Variants in TMEM132C observed in about 807,000 individuals in gnomAD.
The protein encoded by TMEM132C is transmembrane protein 132C, also known as protein phosphatase 1, regulatory subunit 152.
TMEM132C carries 29 observed loss-of-function variants against 61.4 expected under a neutral mutation model. The ratio of observed to expected loss-of-function variants is 0.47; its 90% CI spans 0.35 to 0.64. The LOEUF (loss-of-function observed/expected upper bound fraction) is 0.64. TMEM132C is among the 30% of genes least tolerant of loss of function. The pLI, the probability that TMEM132C is intolerant of heterozygous loss-of-function variation, is 0.00. For synonymous variants in TMEM132C, 656 were observed against 633.1 expected (o/e 1.04, Z -0.54); for missense variants, 1,408 against 1,476.9 (o/e 0.95, Z 0.76).
chr12:128,705,393 G>C lies in TMEM132C; in HGVS notation c.2425G>C (p.Gly809Arg). ...ACAGAACGATGCTGACTCCAGCCCC[G>C]GCGGGGACTATGAGGAAGATGAGAT... ...FGQNDADSSP[G>R]GDYEEDEIKN... Residue 809 changes from glycine (G) to arginine (R), a missense_variant, in exon 9 of 9, where the codon GGC becomes CGC. By Grantham distance (125) the Gly-to-Arg change is moderately radical. Transcript: ENST00000435159. 3.2e-6 allele frequency: 5 copies of C among 1,551,164 alleles called. No homozygotes were observed. The highest frequency in any genetic ancestry group is 4.4e-6 in the Non-Finnish European group (5 of 1,146,994).
intron 2 of TMEM132C, among the ~76,000 whole-genome samples, chr12:128,490,932 A>G (rs1030160105): frequency 1.6e-4 from 25 of 152,172 alleles, no homozygotes; most frequent in Admixed American, 1.4e-3. Context: ...GCCTTATCTC[A>G]TTTAATTCAT....
intron 2 of TMEM132C, among the ~76,000 whole-genome samples, chr12:128,424,943 T>C (rs569521580): frequency 6.6e-6 from 1 of 152,342 alleles, no homozygotes; most frequent in South Asian, 2.1e-4. Context: ...GTATCACATT[T>C]AGAAACCCCC....
intron 1 of TMEM132C, among the ~76,000 whole-genome samples, chr12:128,409,174 C>T (rs754129755): frequency 6.6e-6 from 1 of 152,164 alleles, no homozygotes; most frequent in Non-Finnish European, 1.5e-5. Context: ...GCCGTGCCCT[C>T]ATGTAGCATA....
chr12:128,351,115 A>T (rs1873324656), intron 1 of TMEM132C, among the ~76,000 whole-genome samples: 1 of 152,116 alleles, frequency 6.6e-6, no homozygotes, highest in Non-Finnish European at 1.5e-5. Context: ...TCGTCCTGTA[A>T]CTCACCACTG....
chr12:128,310,935 G>A (rs951434338), intron 1 of TMEM132C, among the ~76,000 whole-genome samples: 1 of 152,142 alleles, frequency 6.6e-6, no homozygotes, highest in East Asian at 1.9e-4. Context: ...GAGATCTCAA[G>A]TACACTGATT....
At chr12:128,619,971 C>G (rs1195190940) in intron 4 of TMEM132C, among the ~76,000 whole-genome samples, 3 of 152,178 alleles carry the variant, frequency 2.0e-5, no homozygotes, top group African/African-American at 7.2e-5. Flanking sequence ...TGGCTCACAC[C>G]TATAATCCCA....
intron 5 of TMEM132C, among the ~76,000 whole-genome samples, chr12:128,688,590 T>C (rs1162788141): frequency 6.6e-6 from 1 of 152,086 alleles, no homozygotes; most frequent in Admixed American, 6.6e-5. Flanking sequence ...AACAATGAGT[T>C]ATAGAGGAAA....
chr12:128,366,866 A>G (rs1300566067), intron 1 of TMEM132C, among the ~76,000 whole-genome samples: 2 of 152,210 alleles, frequency 1.3e-5, no homozygotes, highest in African/African-American at 2.4e-5. Flanking sequence ...AGGGTCCTAC[A>G]TGACATTCCT....
At chr12:128,557,739 C>T (rs1489754011) in intron 3 of TMEM132C, among the ~76,000 whole-genome samples, 1 of 152,244 alleles carries the variant, frequency 6.6e-6, no homozygotes, top group Non-Finnish European at 1.5e-5. Context: ...TTCACAGACT[C>T]TTGTTATTGA....
intron 3 of TMEM132C, among the ~76,000 whole-genome samples, chr12:128,544,988 G>C (rs12368555): frequency 0.038 from 5,822 of 152,202 alleles, 141 homozygotes; most frequent in Middle Eastern, 0.11. Flanking sequence ...TTTTATTTTA[G>C]ATTCAGGGGG....
At chr12:128,397,315 C>G (rs558857387) in intron 1 of TMEM132C, among the ~76,000 whole-genome samples, 2 of 152,144 alleles carry the variant, frequency 1.3e-5, no homozygotes, top group African/African-American at 4.8e-5. Context: ...AGGGCTTCGC[C>G]GTGTGTCTTC....
intron 1 of TMEM132C, among the ~76,000 whole-genome samples, chr12:128,394,725 C>T (rs1874882501): frequency 2.0e-5 from 3 of 152,142 alleles, no homozygotes; most frequent in Admixed American, 2.0e-4. Flanking sequence ...AGAAATTCTA[C>T]CTTTAAAGTG....
chr12:128,608,176 A>G (rs1029592157), intron 3 of TMEM132C, among the ~76,000 whole-genome samples: 1 of 152,194 alleles, frequency 6.6e-6, no homozygotes, highest in Non-Finnish European at 1.5e-5. Context: ...CAATGCTAAG[A>G]GCTTCCACTT....
chr12:128,468,570 C>T (rs544223597), intron 2 of TMEM132C, among the ~76,000 whole-genome samples: 16 of 152,216 alleles, frequency 1.1e-4, no homozygotes, highest in African/African-American at 3.9e-4. Flanking sequence ...CCGCCCGCCT[C>T]GGCCTCCCAA....
chr12:128,661,796 A>G (rs1048675155), intron 4 of TMEM132C, among the ~76,000 whole-genome samples: 1 of 152,246 alleles, frequency 6.6e-6, no homozygotes, highest in Non-Finnish European at 1.5e-5. Context: ...GATCATAAAA[A>G]CATAATGTTG....
chr12:128,591,967 G>A (rs531647581), intron 3 of TMEM132C, among the ~76,000 whole-genome samples: 4 of 149,560 alleles, frequency 2.7e-5, no homozygotes, highest in East Asian at 2.0e-4. Context: ...CAGGAGAATC[G>A]CTTGAACCCG....
At chr12:128,674,761 T>C (rs577078375) in intron 5 of TMEM132C, among the ~76,000 whole-genome samples, 1 of 152,210 alleles carries the variant, frequency 6.6e-6, no homozygotes, top group African/African-American at 2.4e-5. Context: ...TGTGAGGTTT[T>C]TGGTGCAACC....
Position 128,705,630 on chromosome 12 carries a change from A to G in TMEM132C, c.2662A>G (p.Ile888Val). The G allele has an allele frequency of 6.4e-7, 1 of 1,550,980 alleles. No individual in the cohort carries two copies. Among genetic ancestry groups the G allele is most frequent in the Non-Finnish European group, 8.7e-7 (1 of 1,146,982 alleles). Reference protein sequence around the residue: ...RLAGEGQLQNIPIDFTNFPAH... With the variant: ...RLAGEGQLQNVPIDFTNFPAH... Reference sequence around the variant, plus strand: ...GGCAGGAGAGGGGCAGCTGCAGAACATCCCCATTGACTTCACCAACTTCCC... The same window carrying G: ...GGCAGGAGAGGGGCAGCTGCAGAACGTCCCCATTGACTTCACCAACTTCCC... Residue 888 changes from isoleucine (I) to valine (V), a missense_variant, in exon 9 of 9, where the codon ATC becomes GTC. Transcript: ENST00000435159.
At chr12:128,283,975 C>T (rs7979166) in intron 1 of TMEM132C, among the ~76,000 whole-genome samples, 41,845 of 152,104 alleles carry the variant, frequency 0.28, 6,692 homozygotes, top group Admixed American at 0.36. Flanking sequence ...TTTGTATCTT[C>T]AGTTACATGA....
Sources: gnomAD v4.1 joint callset for allele counts (sites outside exome capture counted in the v4.1 genomes callset) on GRCh38, gnomAD v4.1.1 for gene constraint, MANE v1.5 for transcripts, NCBI Gene and HGNC (gene_info 2026-07-23, HGNC 2026-07-21) for gene names.